Variants in KSR2 observed in about 807,000 individuals in gnomAD.
KSR2 encodes kinase suppressor of ras 2.
In KSR2, 25 loss-of-function variants were observed where a neutral mutation model predicts 107.8. The ratio of observed to expected loss-of-function variants is 0.23; its 90% CI spans 0.17 to 0.32. KSR2 has a LOEUF of 0.32. Among genes scored for constraint, KSR2 ranks in the 10% least tolerant of loss-of-function variants. The probability of loss-of-function intolerance (pLI) is 1.00; values close to 1 mark genes in which losing one functional copy is unlikely to be tolerated. For synonymous variants in KSR2, 480 were observed against 507.0 expected, an observed-to-expected ratio of 0.95 and a Z score of 0.71; for missense variants, 887 against 1,268.9, an observed-to-expected ratio of 0.70 and a Z score of 4.57.
chr12:117,845,682 CTT>C (rs549567500), intron 3 of KSR2, among the ~76,000 whole-genome samples: 1 of 143,678 alleles, frequency 7.0e-6, no homozygotes, highest in Admixed American at 7.0e-5. Context: ...CTTTTTCTTT[CTT>C]TTTTTTTTTT....
rs118180227 is a variant in KSR2 at position 117,478,236 on chromosome 12, G to A, written c.2451-1641C>T. ...GTTGTGACATGCTGCTCCCTCAAAC[G>A]CACTCATTCATATCCCATAATCATG... On this transcript the variant is annotated intron_variant, in intron 16 of 19. Coordinates refer to ENST00000339824, the MANE Select transcript of KSR2 (RefSeq NM_173598.6). Among the ~76,000 whole-genome samples the A allele has an allele frequency of 5.9e-5, 9 of 152,158 alleles. No homozygotes were observed. The East Asian group carries it at 1.5e-3, about 26-fold the overall frequency.
At chr12:117,886,377 C>T (rs1283849903) in intron 1 of KSR2, among the ~76,000 whole-genome samples, 1 of 151,856 alleles carries the variant, frequency 6.6e-6, no homozygotes, top group Non-Finnish European at 1.5e-5. Context: ...ATGTTTCTAT[C>T]AGTGACAAAT....
At position 117,629,502 on chromosome 12, in the gene KSR2, A is replaced by G. The variant is rs551513892; in HGVS notation, c.1171+37972T>C. On this transcript the variant is annotated intron_variant, in intron 5 of 19. Coordinates refer to ENST00000339824, the MANE Select transcript of KSR2 (RefSeq NM_173598.6). ...AACGGGAGAAAAGAACACAAAATCTATGCTGACAATTGCAATAAGTTGGTC... is the reference window on the plus strand; with the variant it reads ...AACGGGAGAAAAGAACACAAAATCTGTGCTGACAATTGCAATAAGTTGGTC... Among the ~76,000 whole-genome samples the G allele has an allele frequency of 3.9e-5, 6 of 152,370 alleles. No homozygotes were observed. In the South Asian group the frequency reaches 1.0e-3, roughly 26 times the overall value.
intron 15 of KSR2, among the ~76,000 whole-genome samples, 165 bp from the exon 16 acceptor site, chr12:117,484,714 G>A (rs901482672): frequency 5.3e-5 from 8 of 152,146 alleles, no homozygotes; most frequent in African/African-American, 1.4e-4. Flanking sequence ...GGGTGAGGTC[G>A]GGGAAGGCAT....
rs148919060 is a variant in KSR2, at chr12:117,648,232, T to C, written c.1171+19242A>G. Among the ~76,000 whole-genome samples, 396 of 152,344 alleles carry C rather than the reference T, an allele frequency of 2.6e-3. 1 individual carries two copies. Among genetic ancestry groups the C allele is most frequent in the Non-Finnish European group, 4.2e-3 (288 of 68,036 alleles). ...GGCTTCTCTCAGAAAATTTGGATAATGTGATGACAATTTTTCCCTTTCCCA... is the reference window on the plus strand; with the variant it reads ...GGCTTCTCTCAGAAAATTTGGATAACGTGATGACAATTTTTCCCTTTCCCA... On this transcript the variant is annotated intron_variant, in intron 5 of 19. Transcript: ENST00000339824.
chr12:117,918,788 CAAA>C (rs1423434186), intron 1 of KSR2, among the ~76,000 whole-genome samples: 5 of 106,492 alleles, frequency 4.7e-5, no homozygotes, highest in Non-Finnish European at 6.0e-5. Flanking sequence ...AACTCCGTCT[CAAA>C]AAAAAAAAAA....
chr12:117,598,488 G>A (rs761819319), intron 5 of KSR2, among the ~76,000 whole-genome samples: 1 of 152,016 alleles, frequency 6.6e-6, no homozygotes, highest in Non-Finnish European at 1.5e-5. Context: ...TTCTCTAGTG[G>A]GATTGCTGGA....
At chr12:117,832,819 C>T (rs1224495799) in intron 3 of KSR2, among the ~76,000 whole-genome samples, 3 of 152,226 alleles carry the variant, frequency 2.0e-5, no homozygotes, top group Admixed American at 6.5e-5. Context: ...TACCTAGGCA[C>T]AGGCCAATGC....
At chr12:117,527,880 T>C (rs16947687) in intron 12 of KSR2, among the ~76,000 whole-genome samples, 7,285 of 152,036 alleles carry the variant, frequency 0.048, 588 homozygotes, top group African/African-American at 0.17. Flanking sequence ...TTGAGGTAGG[T>C]CTTGCCAATC....
intron 17 of KSR2, among the ~76,000 whole-genome samples, chr12:117,472,805 T>TAAG (rs1277764707): frequency 1.3e-5 from 2 of 152,346 alleles, no homozygotes; most frequent in South Asian, 4.1e-4. Context: ...CACTAGGCAC[T>TAAG]ATTCTAAGTT....
intron 1 of KSR2, among the ~76,000 whole-genome samples, chr12:117,884,830 ATC>A (rs1491116672): frequency 1.3e-5 from 2 of 151,934 alleles, no homozygotes; most frequent in Admixed American, 6.5e-5. Flanking sequence ...TTCACCAGCC[ATC>A]TCTGTTTCCT....
chr12:117,848,703 G>A (rs976991310), intron 3 of KSR2, among the ~76,000 whole-genome samples: 3 of 144,244 alleles, frequency 2.1e-5, no homozygotes, highest in African/African-American at 2.5e-5. Flanking sequence ...GAGGAGAAGT[G>A]GAGAAAAGTG....
intron 3 of KSR2, among the ~76,000 whole-genome samples, chr12:117,777,538 T>A (rs537677660): frequency 6.6e-6 from 1 of 152,192 alleles, no homozygotes; most frequent in African/African-American, 2.4e-5. Flanking sequence ...ACTCTGCAAA[T>A]GCAAGTATTG....
At chr12:117,569,031 C>T (rs2136210393) in intron 7 of KSR2, among the ~76,000 whole-genome samples, 1 of 152,314 alleles carries the variant, frequency 6.6e-6, no homozygotes, top group East Asian at 1.9e-4. Flanking sequence ...GCGACATCAG[C>T]ACTCATCATT....
intron 5 of KSR2, among the ~76,000 whole-genome samples, chr12:117,642,674 A>G (rs954212144): frequency 2.6e-5 from 4 of 152,340 alleles, no homozygotes; most frequent in African/African-American, 9.6e-5. Flanking sequence ...GCCATACTGG[A>G]GTTCGGGTGG....
chr12:117,532,662 C>T (rs374050004), intron 10 of KSR2, among the ~76,000 whole-genome samples: 1 of 152,126 alleles, frequency 6.6e-6, no homozygotes, highest in East Asian at 1.9e-4. Flanking sequence ...CTGCCAGTTC[C>T]CTGACAATTC....
chr12:117,710,003 A>G (rs1275289809), intron 4 of KSR2, among the ~76,000 whole-genome samples: 4 of 152,256 alleles, frequency 2.6e-5, no homozygotes, highest in Admixed American at 2.0e-4. Flanking sequence ...AAAGAGGGTC[A>G]TGGAGTGAAT....
intron 3 of KSR2, among the ~76,000 whole-genome samples, chr12:117,781,792 G>A (rs78276948): frequency 0.035 from 5,339 of 152,244 alleles, 128 homozygotes; most frequent in Middle Eastern, 0.054. Flanking sequence ...CACCCAGCCT[G>A]CCTCTGGAGC....
At chr12:117,622,513 T>A (rs1882250472) in intron 5 of KSR2, among the ~76,000 whole-genome samples, 1 of 152,146 alleles carries the variant, frequency 6.6e-6, no homozygotes, top group Non-Finnish European at 1.5e-5. Context: ...ATCAAGGTTT[T>A]TTTTTTCCTG....
Sources: allele counts gnomAD v4.1 joint callset (sites outside exome capture counted in the v4.1 genomes callset), GRCh38; gene constraint gnomAD v4.1.1; transcripts MANE v1.5; gene names NCBI Gene and HGNC (gene_info 2026-07-23, HGNC 2026-07-21).